The following ZNF610 variants were observed in gnomAD, a reference collection of about 807,000 sequenced individuals.
ZNF610 encodes zink finger protein.
ZNF610 carries 14 observed loss-of-function variants against 14.1 expected under a neutral mutation model. That is an observed-to-expected ratio of 0.99 (90% confidence interval 0.65 to 1.55). The LOEUF (loss-of-function observed/expected upper bound fraction) is 1.55, where lower values mean the gene tolerates loss of function less well. ZNF610 is among the 40% of genes most tolerant of loss of function. The probability of loss-of-function intolerance (pLI) is 0.00; values close to 1 mark genes in which losing one functional copy is unlikely to be tolerated. For synonymous variants in ZNF610, 185 were observed against 187.6 expected (o/e 0.99, Z 0.11); for missense variants, 530 against 558.0 (o/e 0.95, Z 0.51).
At chr19:52,358,825 G>A (rs996872257) in intron 5 of ZNF610, among the ~76,000 whole-genome samples, 4 of 152,172 alleles carry the variant, frequency 2.6e-5, no homozygotes, top group Non-Finnish European at 5.9e-5. Flanking sequence ...GATAATTTTT[G>A]CATACGGTGT....
intron 2 of ZNF610, among the ~76,000 whole-genome samples, chr19:52,348,947 TCCA>T (rs1391052681): frequency 2.0e-5 from 3 of 152,122 alleles, no homozygotes; most frequent in African/African-American, 7.2e-5. Context: ...TGCGGGCTTC[TCCA>T]GGAGGGGAGC....
chr19:52,333,362 C>T (rs186896766), upstream of ZNF610, among the ~76,000 whole-genome samples: 584 of 152,342 alleles, frequency 3.8e-3, 11 homozygotes, highest in Admixed American at 0.033. Context: ...CAACATCCCC[C>T]TGGCAAAGGA....
chr19:52,337,147 G>C (rs1490742458), intron 1 of ZNF610, among the ~76,000 whole-genome samples: 1 of 152,132 alleles, frequency 6.6e-6, no homozygotes, highest in Non-Finnish European at 1.5e-5. Context: ...GCAAGATTGG[G>C]AGAGGGGCAG....
At chr19:52,350,317 G>A (rs889883459) in intron 3 of ZNF610, among the ~76,000 whole-genome samples, 10 of 152,144 alleles carry the variant, frequency 6.6e-5, no homozygotes, top group East Asian at 1.9e-4. Context: ...CCCTCCCTGC[G>A]TCTCACTGGT....
chr19:52,349,667 G>C (rs1446053112), intron 3 of ZNF610, among the ~76,000 whole-genome samples: 1 of 151,854 alleles, frequency 6.6e-6, no homozygotes, highest in Non-Finnish European at 1.5e-5. Context: ...CCGCCTCCCG[G>C]GTTCAAGCAA....
chr19:52,333,761 A>G (rs930296868), upstream of ZNF610, among the ~76,000 whole-genome samples: 10 of 152,248 alleles, frequency 6.6e-5, no homozygotes, highest in African/African-American at 2.4e-4. Flanking sequence ...TTGTTAAATT[A>G]AAAGGTAAAA....
At chr19:52,364,947 T>G (rs1302475613) in intron 5 of ZNF610, among the ~76,000 whole-genome samples, 1 of 152,084 alleles carries the variant, frequency 6.6e-6, no homozygotes, top group Non-Finnish European at 1.5e-5. Context: ...AAGTTTGCTT[T>G]AAGATGTTTA....
intron 1 of ZNF610, among the ~76,000 whole-genome samples, chr19:52,346,102 G>A (rs1157125909): frequency 1.3e-5 from 2 of 151,114 alleles, no homozygotes; most frequent in African/African-American, 4.9e-5. Flanking sequence ...GGGTTCAAGC[G>A]ATTCTCCTGC....
chr19:52,355,507 A>G (rs1365434466), intron 5 of ZNF610, among the ~76,000 whole-genome samples: 2 of 152,034 alleles, frequency 1.3e-5, no homozygotes, highest in East Asian at 1.9e-4. Flanking sequence ...CCCATCGGCA[A>G]TTTTTCACTG....
chr19:52,353,906 G>GAAACCTTGTTGACTTGTTGAGAAACCTT, intron 4 of ZNF610, 98 bp downstream of exon 4: 1 of 1,436,608 alleles, frequency 7.0e-7, no homozygotes, highest in Non-Finnish European at 9.4e-7. Context: ...GCTTAACTGA[G>GAAACCTTGTTGACTTGTTGAGAAACCTT]GTAGAAACCT....
chr19:52,342,567 T>C (rs577627234), intron 1 of ZNF610, among the ~76,000 whole-genome samples: 2 of 151,064 alleles, frequency 1.3e-5, no homozygotes, highest in South Asian at 4.2e-4. Flanking sequence ...TCACCCGGGC[T>C]GGAGTGTAGT....
chr19:52,336,774 C>T (rs1984404189), intron 1 of ZNF610, among the ~76,000 whole-genome samples: 1 of 152,118 alleles, frequency 6.6e-6, no homozygotes. Flanking sequence ...CTTCCTACTC[C>T]CCAGGCCTCC....
upstream of ZNF610, among the ~76,000 whole-genome samples, chr19:52,334,032 A>C (rs1984264896): frequency 6.6e-6 from 1 of 152,220 alleles, no homozygotes; most frequent in South Asian, 2.1e-4. Flanking sequence ...AAGAAATCAG[A>C]ATAAATTATG....
chr19:52,354,457 C>T, intron 5 of ZNF610, 78 bp downstream of exon 5: 1 of 1,496,796 alleles, frequency 6.7e-7, no homozygotes, highest in Non-Finnish European at 9.0e-7. Flanking sequence ...CGCTATCACC[C>T]AGGCTGTAGT....
upstream of ZNF610, among the ~76,000 whole-genome samples, chr19:52,334,274 G>A (rs1013946203): frequency 2.0e-5 from 3 of 152,144 alleles, no homozygotes; most frequent in African/African-American, 7.2e-5. Flanking sequence ...CAGCACTTTG[G>A]GAGGCCAAGG....
At chr19:52,330,673 A>G in the ZNF610 span, among the ~76,000 whole-genome samples, 1 of 152,134 alleles carries the variant, frequency 6.6e-6, no homozygotes, top group African/African-American at 2.4e-5. Flanking sequence ...AGTGCAGGAC[A>G]CGCTGAGGTC....
chr19:52,339,015 G>A (rs1984530965), intron 1 of ZNF610, among the ~76,000 whole-genome samples: 1 of 151,980 alleles, frequency 6.6e-6, no homozygotes, highest in African/African-American at 2.4e-5. Flanking sequence ...AGGTAATAGT[G>A]GGGAGAGGGT....
At position 52,367,555 on chromosome 19, in the gene ZNF610, AGTGTGTGT is replaced by A. The variant is rs144835826; in HGVS notation, c.*795_*802del. ...ATTTTAAGGTTGAAGCAGCCAGAAAAGTGTGTGTGTGTGTATGTGTGTGAGACATAAAA... is the reference window on the plus strand; with the variant it reads ...ATTTTAAGGTTGAAGCAGCCAGAAAAGTGTGTATGTGTGTGAGACATAAAA... On this transcript the variant is annotated 3_prime_UTR_variant, in exon 6 of 6. Transcript: ENST00000403906. The A allele has an allele frequency of 3.3e-5, 5 of 151,986 alleles. No homozygotes were observed. Among genetic ancestry groups the A allele is most frequent in the African/African-American group, 1.2e-4 (5 of 41,380 alleles). The allele number at this position is 151,986 out of a possible 1,614,324, so 9.4% of individuals were successfully genotyped here.
intron 1 of ZNF610, among the ~76,000 whole-genome samples, chr19:52,337,190 G>A (rs1459432552): frequency 6.6e-6 from 1 of 152,074 alleles, no homozygotes; most frequent in Non-Finnish European, 1.5e-5. Context: ...GAGTAGGGGA[G>A]AGGAGGAGGG....
Sources: gnomAD v4.1 joint callset for allele counts (sites outside exome capture counted in the v4.1 genomes callset) on GRCh38, gnomAD v4.1.1 for gene constraint, MANE v1.5 for transcripts, NCBI Gene and HGNC (gene_info 2026-07-23, HGNC 2026-07-21) for gene names.